Variants in ELFN1 observed in about 807,000 individuals in gnomAD.
ELFN1 encodes the protein protein ELFN1.
ELFN1 carries 6 observed loss-of-function variants against 7.6 expected under a neutral mutation model. The ratio of observed to expected loss-of-function variants is 0.79; its 90% CI spans 0.43 to 1.56. ELFN1 has a LOEUF of 1.56. ELFN1 is among the 40% of genes most tolerant of loss of function. The pLI is 0.01. For synonymous variants in ELFN1, 657 were observed against 588.1 expected, an observed-to-expected ratio of 1.12 and a Z score of -1.70; for missense variants, 1,169 against 1,232.2, an observed-to-expected ratio of 0.95 and a Z score of 0.77.
Position 1,680,655 on chromosome 7 carries a change from A to G in ELFN1, c.-548-7403A>G, listed in dbSNP as rs575229534. Among the ~76,000 whole-genome samples the G allele has an allele frequency of 2.6e-4, 39 of 152,034 alleles. No individual in the cohort carries two copies. The South Asian group carries it at 7.9e-3, about 31-fold the overall frequency. On this transcript the variant is annotated intron_variant, in intron 1 of 3. Transcript: ENST00000424383. ...AACCATAACTACATACCAGCTATAA[A>G]ACATTTTCATGCCCAACTGTAGTCA... is the stretch of plus-strand genomic sequence containing the variant.
chr7:1,695,747 CAAAAAAAAAAAAAAAA>C lies in ELFN1; in HGVS notation c.-456+7607_-456+7622del, dbSNP rs34132549. 1.7e-5 allele frequency among the ~76,000 whole-genome samples: 1 copy of C among 59,206 alleles called. No homozygotes were observed. Among genetic ancestry groups the C allele is most frequent in the Non-Finnish European group, 3.1e-5 (1 of 32,058 alleles). 38.8% of individuals were successfully genotyped at this position (59,206 alleles called of 152,430 possible). On this transcript the variant is annotated intron_variant, in intron 2 of 3. Coordinates refer to ENST00000424383, the MANE Select transcript of ELFN1 (RefSeq NM_001128636.4). This position sits in a 1 kb window ranked among gnomAD's most constrained non-coding sequence, Gnocchi z 5.1. ...TGGGTGACAGAGCGAGACTCCGTGTCAAAAAAAAAAAAAAAAAAAAAAAAACCGTGCTGGTTTGGTT... is the reference window on the plus strand; with the variant it reads ...TGGGTGACAGAGCGAGACTCCGTGTCAAAAAAAAACCGTGCTGGTTTGGTT...
intron 3 of ELFN1, among the ~76,000 whole-genome samples, chr7:1,743,367 C>T (rs988420634): frequency 2.0e-5 from 3 of 152,134 alleles, no homozygotes; most frequent in African/African-American, 4.8e-5. Context: ...CCAGGGACCT[C>T]GGAGCTGTCC....
rs1780340237 is a variant in ELFN1, at chr7:1,732,220, G to T, written c.-293-12084G>T. Among the ~76,000 whole-genome samples the T allele has an allele frequency of 2.0e-5, 3 of 152,138 alleles. No homozygotes were observed. In the South Asian group the frequency reaches 6.2e-4, roughly 32 times the overall value. Reference sequence around the variant, plus strand: ...TGAACAGAGAAGCCCACTGAGTGGGGGAACATTGGGGTGCTGGGAGGGGTT... The same window carrying T: ...TGAACAGAGAAGCCCACTGAGTGGGTGAACATTGGGGTGCTGGGAGGGGTT... On this transcript the variant is annotated intron_variant, in intron 3 of 3. Coordinates refer to ENST00000424383, the MANE Select transcript of ELFN1 (RefSeq NM_001128636.4).
At chr7:1,736,867 A>G (rs1367659808) in intron 3 of ELFN1, among the ~76,000 whole-genome samples, 1 of 152,102 alleles carries the variant, frequency 6.6e-6, no homozygotes, top group Non-Finnish European at 1.5e-5. Context: ...AGGGTCTCCC[A>G]GGAGAGGGTT....
At chr7:1,689,420 A>G (rs1057412580) in intron 2 of ELFN1, among the ~76,000 whole-genome samples, 1 of 152,168 alleles carries the variant, frequency 6.6e-6, no homozygotes, top group African/African-American at 2.4e-5. Context: ...GCTGGGAGGA[A>G]CACAGATTCC....
At position 1,744,856 on chromosome 7, in the gene ELFN1, C is replaced by T. The variant is rs896616396; in HGVS notation, c.260C>T (p.Thr87Met). Residue 87 changes from threonine to methionine, a missense_variant, in exon 4 of 4, where the codon ACG becomes ATG. By Grantham distance (81) the Thr-to-Met change is moderately conservative. This residue lies in a region of ELFN1 where 255 missense variants were observed against 359.6 expected (regional missense o/e 0.71). Coordinates refer to ENST00000424383, the MANE Select transcript of ELFN1 (RefSeq NM_001128636.4). Reference protein sequence around the residue: ...YASLSRFGNLTYLNLTKNEIG... With the variant: ...YASLSRFGNLMYLNLTKNEIG... The stretch of plus-strand genomic sequence containing the variant: ...TCGCTCAGCCGCTTTGGCAACCTCA[C>T]GTACCTCAACCTCACCAAGAACGAG... 3.8e-6 allele frequency: 6 copies of T among 1,574,450 alleles called. No homozygotes were observed. The highest frequency in any genetic ancestry group is 4.3e-6 in the Non-Finnish European group (5 of 1,159,160).
At chr7:1,676,668 G>A (rs1778876832) in intron 1 of ELFN1, among the ~76,000 whole-genome samples, 1 of 152,244 alleles carries the variant, frequency 6.6e-6, no homozygotes, top group Non-Finnish European at 1.5e-5. Context: ...GCTGTGCAAA[G>A]AGACAGGGAA....
chr7:1,710,021 C>G (rs901728727), intron 3 of ELFN1, among the ~76,000 whole-genome samples: 2 of 152,224 alleles, frequency 1.3e-5, no homozygotes, highest in Non-Finnish European at 2.9e-5. Context: ...TCCGTAGTTT[C>G]TTTGTCTAAT....
chr7:1,711,103 A>T (rs1006407939), intron 3 of ELFN1, among the ~76,000 whole-genome samples: 62 of 152,320 alleles, frequency 4.1e-4, no homozygotes, highest in African/African-American at 1.5e-3. Flanking sequence ...CCCCAGTGGG[A>T]TAGTCCCTCC....
intron 1 of ELFN1, among the ~76,000 whole-genome samples, chr7:1,681,553 T>G (rs933720915): frequency 2.0e-5 from 3 of 152,112 alleles, no homozygotes; most frequent in African/African-American, 7.2e-5. Context: ...TAGTAGAGAC[T>G]GGGTCTCGCC....
intron 3 of ELFN1, among the ~76,000 whole-genome samples, chr7:1,728,140 G>A (rs1415637683): frequency 6.9e-6 from 1 of 145,676 alleles, no homozygotes; most frequent in Non-Finnish European, 1.5e-5. Flanking sequence ...TCCAGGTTGC[G>A]AGGACAGGCT....
chr7:1,738,341 A>T (rs1207130696), intron 3 of ELFN1, among the ~76,000 whole-genome samples: 1 of 152,138 alleles, frequency 6.6e-6, no homozygotes, highest in Non-Finnish European at 1.5e-5. Flanking sequence ...CAAAGCTGAG[A>T]TGCAGGACCC....
At chr7:1,699,679 G>A (rs1014624256) in intron 2 of ELFN1, among the ~76,000 whole-genome samples, 1 of 151,954 alleles carries the variant, frequency 6.6e-6, no homozygotes, top group Non-Finnish European at 1.5e-5. Flanking sequence ...GAATAATAAG[G>A]GTGTGCTTTA....
At chr7:1,668,096 G>A (rs1183343334), upstream of ELFN1, among the ~76,000 whole-genome samples, 1 of 152,106 alleles carries the variant, frequency 6.6e-6, no homozygotes, top group Non-Finnish European at 1.5e-5. Flanking sequence ...GCGGGATCTC[G>A]CCTCCCACGG....
chr7:1,725,254 G>A lies in ELFN1; in HGVS notation c.-294+16002G>A, dbSNP rs1032785296. Reference sequence around the variant, plus strand: ...GAAGAAGGAACCCAGGGAATAGGCCGATGATTCCCAGAGGGAGGCTGCCCG... The same window carrying A: ...GAAGAAGGAACCCAGGGAATAGGCCAATGATTCCCAGAGGGAGGCTGCCCG... On this transcript the variant is annotated intron_variant, in intron 3 of 3. Transcript: ENST00000424383. 1.1e-4 allele frequency among the ~76,000 whole-genome samples: 16 copies of A among 152,242 alleles called. No homozygotes were observed. The South Asian group carries it at 1.4e-3, about 14-fold the overall frequency.
At chr7:1,684,029 A>G (rs1443212407) in intron 1 of ELFN1, among the ~76,000 whole-genome samples, 2 of 152,094 alleles carry the variant, frequency 1.3e-5, no homozygotes, top group African/African-American at 2.4e-5. Flanking sequence ...GCACACCTGT[A>G]GTCCTAGCTG....
chr7:1,730,502 G>A (rs1344355200), intron 3 of ELFN1, among the ~76,000 whole-genome samples: 1 of 152,200 alleles, frequency 6.6e-6, no homozygotes, highest in Non-Finnish European at 1.5e-5. Flanking sequence ...TTATGTAGAA[G>A]TTATACAAAA....
intron 3 of ELFN1, among the ~76,000 whole-genome samples, chr7:1,713,202 CA>C (rs1417554467): frequency 1.1e-4 from 17 of 152,346 alleles, no homozygotes; most frequent in Non-Finnish European, 2.1e-4. Flanking sequence ...CCCCAGGCTG[CA>C]GACTCTGTGC....
chr7:1,710,396 C>G (rs554178645), intron 3 of ELFN1, among the ~76,000 whole-genome samples: 3 of 152,350 alleles, frequency 2.0e-5, no homozygotes, highest in African/African-American at 7.2e-5. Context: ...TTGAACTGAA[C>G]TCTGGGGAGG....
Sources: allele counts gnomAD v4.1 joint callset (sites outside exome capture counted in the v4.1 genomes callset), GRCh38; gene constraint gnomAD v4.1.1; regional missense constraint gnomAD v4.1.1; non-coding constraint Gnocchi (gnomAD v3.1); transcripts MANE v1.5; gene names NCBI Gene and HGNC (gene_info 2026-07-23, HGNC 2026-07-21).